G3BP1: variants seen among roughly 807,000 people sequenced by gnomAD.
The protein encoded by G3BP1 is ras GTPase-activating protein-binding protein 1.
Under a neutral mutation model 58.6 loss-of-function variants are expected in G3BP1, and 35 were observed. The ratio of observed to expected loss-of-function variants is 0.60; its 90% CI spans 0.46 to 0.79. G3BP1 has a LOEUF of 0.79. G3BP1 is among the 30% of genes least tolerant of loss of function. The pLI is 0.00. For missense variants in G3BP1, 523 were observed against 580.8 expected (o/e 0.90, Z 1.02); for synonymous variants, 191 against 195.4 (o/e 0.98, Z 0.19).
chr5:151,774,696 A>C (rs1370221729), intron 1 of G3BP1, among the ~76,000 whole-genome samples: 1 of 151,294 alleles, frequency 6.6e-6, no homozygotes. Context: ...AAGAATGGAT[A>C]ATTGTGGAAG....
At chr5:151,788,072 A>T (rs932529847) in intron 2 of G3BP1, among the ~76,000 whole-genome samples, 1 of 151,600 alleles carries the variant, frequency 6.6e-6, no homozygotes, top group South Asian at 2.1e-4. Flanking sequence ...CTGAGGTGCA[A>T]TCCACCACGC....
intron 1 of G3BP1, among the ~76,000 whole-genome samples, chr5:151,772,999 G>A (rs1762300393): frequency 6.6e-6 from 1 of 152,240 alleles, no homozygotes; most frequent in Non-Finnish European, 1.5e-5. Context: ...CAGGCCCTGG[G>A]TAGATGTGCC....
intron 2 of G3BP1, among the ~76,000 whole-genome samples, chr5:151,788,409 C>CT (rs111844263): frequency 1.3e-4 from 19 of 149,628 alleles, no homozygotes; most frequent in South Asian, 2.1e-4. Flanking sequence ...CCCTTTCTTT[C>CT]TTTTTTTTTG....
chr5:151,801,925 C>G (rs2113251651), intron 11 of G3BP1, among the ~76,000 whole-genome samples: 1 of 152,078 alleles, frequency 6.6e-6, no homozygotes, highest in South Asian at 2.1e-4. Context: ...AGCAGTTCTC[C>G]TGCCTCAACT....
intron 10 of G3BP1, 130 bp from the exon 11 acceptor site, chr5:151,800,630 G>A (rs1420067843): frequency 2.1e-5 from 14 of 665,900 alleles, no homozygotes; most frequent in Admixed American, 4.9e-5. Flanking sequence ...TCTCAATTCA[G>A]ACTAGCTATA....
intron 2 of G3BP1, 26 bp downstream of exon 2, chr5:151,786,741 C>T (rs770636346): frequency 7.9e-7 from 1 of 1,267,096 alleles, no homozygotes; most frequent in Non-Finnish European, 1.2e-6. Context: ...CCTGCATCAT[C>T]TAATGCTGTC....
intron 1 of G3BP1, among the ~76,000 whole-genome samples, chr5:151,775,031 C>A (rs1022958417): frequency 1.4e-4 from 22 of 152,194 alleles, no homozygotes; most frequent in African/African-American, 5.3e-4. Flanking sequence ...AATTCACACA[C>A]ACGAATAGTG....
At chr5:151,800,098 A>T (rs1253512531) in intron 9 of G3BP1, 98 bp downstream of exon 9, 2 of 1,183,560 alleles carry the variant, frequency 1.7e-6, no homozygotes, top group Non-Finnish European at 1.2e-6. Context: ...AAATAAAAAT[A>T]TTGTAGGGTT....
rs200923414 is a variant in G3BP1 at position 151,800,745 on chromosome 5, G to C, written c.1085-15G>C. The C allele has an allele frequency of 2.1e-4, 306 of 1,437,220 alleles. No homozygotes were observed. The highest frequency in any genetic ancestry group is 6.7e-4 in the Admixed American group (40 of 59,822). The allele number at this position is 1,437,220 out of a possible 1,614,324, so 89.0% of individuals were successfully genotyped here. A position where few individuals can be genotyped will look rare whatever the true frequency, so the allele number is the denominator to read the frequency against. On this transcript the variant is annotated splice_polypyrimidine_tract_variant and intron_variant, in intron 10 of 11. Coordinates refer to ENST00000356245, the MANE Select transcript of G3BP1 (RefSeq NM_005754.3). ...ATGGTCTAAGTAGTTATCTGAGAAT[G>C]TGTTTCACTTGCAGGTTATGGAAAC...
intron 1 of G3BP1, among the ~76,000 whole-genome samples, chr5:151,773,436 T>G (rs972977114): frequency 6.6e-6 from 1 of 152,218 alleles, no homozygotes; most frequent in Non-Finnish European, 1.5e-5. Context: ...TGAAAGTTTG[T>G]GTACACTCCG....
In G3BP1 at chr5:151,808,716, T is replaced by A. The variant is rs1005467020; in HGVS notation, c.*4625T>A. ...CATACAGTGTGTCTTAGGATTTTTT[T>A]AAGTAAATTAAGGATGTTTACCAGA... On this transcript the variant is annotated 3_prime_UTR_variant, in exon 12 of 12. Coordinates refer to ENST00000356245, the MANE Select transcript of G3BP1 (RefSeq NM_005754.3). 2.6e-5 allele frequency: 4 copies of A among 152,218 alleles called. No individual in the cohort carries two copies. Among genetic ancestry groups the A allele is most frequent in the African/African-American group, 4.8e-5 (2 of 41,468 alleles). 9.4% of individuals were successfully genotyped at this position (152,218 alleles called of 1,614,324 possible). A position where few individuals can be genotyped will look rare whatever the true frequency, so the allele number is the denominator to read the frequency against.
Position 151,790,311 on chromosome 5 carries a change from C to T in G3BP1, c.96-12C>T, listed in dbSNP as rs759973778. 2.1e-6 allele frequency: 3 copies of T among 1,414,554 alleles called. No homozygotes were observed. Among genetic ancestry groups the T allele is most frequent in the Admixed American group, 4.0e-5 (2 of 49,838 alleles). The allele number at this position is 1,414,554 out of a possible 1,614,324, so 87.6% of individuals were successfully genotyped here. A position where few individuals can be genotyped will look rare whatever the true frequency, so the allele number is the denominator to read the frequency against. On this transcript the variant is annotated splice_polypyrimidine_tract_variant and intron_variant, in intron 2 of 11. Coordinates refer to ENST00000356245, the MANE Select transcript of G3BP1 (RefSeq NM_005754.3). Reference sequence around the variant, plus strand: ...TTGAAGATGACAAGTAAATCATCTTCCCATTTTACAGATTTTATGGAAAGA... The same window carrying T: ...TTGAAGATGACAAGTAAATCATCTTTCCATTTTACAGATTTTATGGAAAGA...
chr5:151,774,049 C>T (rs1217626831), intron 1 of G3BP1, among the ~76,000 whole-genome samples: 1 of 151,784 alleles, frequency 6.6e-6, no homozygotes, highest in African/African-American at 2.4e-5. Flanking sequence ...AACTGGTGCT[C>T]TAACTGATTA....
chr5:151,781,709 A>G (rs898401930), intron 1 of G3BP1, among the ~76,000 whole-genome samples: 1 of 152,260 alleles, frequency 6.6e-6, no homozygotes, highest in Non-Finnish European at 1.5e-5. Context: ...AACAGACAGC[A>G]TAAACATATA....
chr5:151,783,773 T>C (rs1762512322), intron 1 of G3BP1, among the ~76,000 whole-genome samples: 1 of 152,114 alleles, frequency 6.6e-6, no homozygotes, highest in Non-Finnish European at 1.5e-5. Context: ...AACATTCTTT[T>C]TTTTCTGGAG....
Position 151,804,337 on chromosome 5 carries a change from C to CAA in G3BP1, c.*254_*255dup, listed in dbSNP as rs140252175. 155 of 337,264 alleles carry CAA rather than the reference C, an allele frequency of 4.6e-4. No homozygotes were observed. Among genetic ancestry groups the CAA allele is most frequent in the Middle Eastern group, 7.4e-4 (1 of 1,358 alleles). 20.9% of individuals were successfully genotyped at this position (337,264 alleles called of 1,614,324 possible). A position where few individuals can be genotyped will look rare whatever the true frequency, so the allele number is the denominator to read the frequency against. On this transcript the variant is annotated 3_prime_UTR_variant, in exon 12 of 12. Coordinates refer to ENST00000356245, the MANE Select transcript of G3BP1 (RefSeq NM_005754.3). ...TAGGAATAACGGACTTTTAAAGAAG[C>CAA]AAAAAAAAAGACTGAATTTCCTTGC...
chr5:151,777,708 G>A (rs1762397495), intron 1 of G3BP1, among the ~76,000 whole-genome samples: 1 of 152,074 alleles, frequency 6.6e-6, no homozygotes, highest in African/African-American at 2.4e-5. Flanking sequence ...CTCCAGCCTG[G>A]GCGACACAGG....
In G3BP1 at chr5:151,797,369, C is replaced by T. The variant is rs970588999; in HGVS notation, c.682C>T (p.Gln228Ter). 1 of 1,613,854 alleles carries T rather than the reference C, an allele frequency of 6.2e-7. No individual in the cohort carries two copies. Among genetic ancestry groups the T allele is most frequent in the Non-Finnish European group, 8.5e-7 (1 of 1,179,876 alleles). ...AGAAGAAACTGCCCCTGAGGATGCTCAGAAGAGTTCTTCTCCAGCACCTGC... is the reference window on the plus strand; with the variant it reads ...AGAAGAAACTGCCCCTGAGGATGCTTAGAAGAGTTCTTCTCCAGCACCTGC... ...VLEETAPEDA[Q>*]KSSSPAPADI... Residue 228 changes from glutamine (Q) to a stop codon, truncating the protein, a stop_gained, in exon 7 of 12, where the codon CAG (glutamine) becomes TAG (stop). Transcript: ENST00000356245. LOFTEE classifies it high-confidence loss of function.
chr5:151,798,255 TAGG>T (rs1762790572), intron 7 of G3BP1, among the ~76,000 whole-genome samples: 1 of 151,614 alleles, frequency 6.6e-6, no homozygotes. Context: ...GAGGCTGAGG[TAGG>T]AGGATGGCTT....
Sources: gnomAD v4.1 joint callset for allele counts (sites outside exome capture counted in the v4.1 genomes callset) on GRCh38, gnomAD v4.1.1 for gene constraint, MANE v1.5 for transcripts, NCBI Gene and HGNC (gene_info 2026-07-23, HGNC 2026-07-21) for gene names.